Variants in ENPEP observed in about 807,000 individuals in gnomAD.
ENPEP encodes AP-A.
ENPEP carries 103 observed loss-of-function variants against 114.5 expected under a neutral mutation model. The observed-to-expected ratio is 0.90, with a 90% CI of 0.77 to 1.06. The LOEUF is 1.06. ENPEP is among the 50% of genes least tolerant of loss of function. ENPEP has a pLI of 0.00. For missense variants in ENPEP, 1,196 were observed against 1,161.3 expected, an observed-to-expected ratio of 1.03 and a Z score of -0.43; for synonymous variants, 420 against 422.0, an observed-to-expected ratio of 1.00 and a Z score of 0.06.
chr4:110,507,506 C>T (rs560668349), intron 4 of ENPEP, among the ~76,000 whole-genome samples: 1 of 152,340 alleles, frequency 6.6e-6, no homozygotes, highest in South Asian at 2.1e-4. Context: ...TCTGCCTTTA[C>T]TTTAATAACT....
At chr4:110,492,295 A>G (rs1042671437) in intron 3 of ENPEP, among the ~76,000 whole-genome samples, 1 of 152,266 alleles carries the variant, frequency 6.6e-6, no homozygotes, top group Admixed American at 6.5e-5. Context: ...GGCAAGTGGT[A>G]GAAACTTAAA....
At chr4:110,501,755 C>G (rs1172173108) in intron 3 of ENPEP, among the ~76,000 whole-genome samples, 1 of 152,128 alleles carries the variant, frequency 6.6e-6, no homozygotes, top group Non-Finnish European at 1.5e-5. Context: ...GTATGGAGGC[C>G]TGTGTCTTTA....
intron 3 of ENPEP, among the ~76,000 whole-genome samples, chr4:110,503,042 T>C (rs6821205): frequency 0.29 from 44,556 of 151,972 alleles, 6,850 homozygotes; most frequent in Non-Finnish European, 0.33. Flanking sequence ...CTCCTAATGC[T>C]ATCCCTCCCC....
chr4:110,538,127 C>T (rs1157017315), intron 11 of ENPEP, among the ~76,000 whole-genome samples: 2 of 152,158 alleles, frequency 1.3e-5, no homozygotes, highest in Non-Finnish European at 2.9e-5. Flanking sequence ...GCTGCATCCA[C>T]CCCTAATGAG....
intron 3 of ENPEP, 53 bp downstream of exon 3, chr4:110,491,217 A>G (rs1187354756): frequency 2.0e-6 from 3 of 1,463,754 alleles, no homozygotes; most frequent in South Asian, 1.3e-5. Flanking sequence ...GTAATTAATT[A>G]TCTACCTTTT....
At chr4:110,483,718 C>T (rs980830536) in intron 1 of ENPEP, among the ~76,000 whole-genome samples, 2 of 152,106 alleles carry the variant, frequency 1.3e-5, no homozygotes, top group Non-Finnish European at 2.9e-5. Flanking sequence ...TTGCCTGGCG[C>T]GATAATTATT....
intron 11 of ENPEP, among the ~76,000 whole-genome samples, chr4:110,542,391 A>T (rs1167950140): frequency 6.6e-6 from 1 of 152,084 alleles, no homozygotes; most frequent in Non-Finnish European, 1.5e-5. Flanking sequence ...GGATCTATGG[A>T]CTACCCCTGA....
chr4:110,481,291 G>A (rs1471665052), intron 1 of ENPEP, among the ~76,000 whole-genome samples: 1 of 151,746 alleles, frequency 6.6e-6, no homozygotes, highest in African/African-American at 2.4e-5. Flanking sequence ...ATCCAGGCTG[G>A]GGTAGAACTC....
At chr4:110,502,600 T>C (rs1725204483) in intron 3 of ENPEP, among the ~76,000 whole-genome samples, 1 of 152,206 alleles carries the variant, frequency 6.6e-6, no homozygotes, top group South Asian at 2.1e-4. Context: ...TGGCATTATT[T>C]CTGGGCTCTC....
intron 18 of ENPEP, among the ~76,000 whole-genome samples, chr4:110,555,858 A>G (rs911558972): frequency 6.6e-6 from 1 of 151,992 alleles, no homozygotes; most frequent in Non-Finnish European, 1.5e-5. Context: ...ATATAATTAA[A>G]TCCTTATTTT....
chr4:110,547,009 A>G (rs1035208927), intron 13 of ENPEP, among the ~76,000 whole-genome samples: 3 of 152,042 alleles, frequency 2.0e-5, no homozygotes, highest in Non-Finnish European at 4.4e-5. Context: ...CATGTTTGAC[A>G]AGACACTATA....
intron 13 of ENPEP, among the ~76,000 whole-genome samples, chr4:110,547,550 G>T (rs1727113973): frequency 6.6e-6 from 1 of 152,002 alleles, no homozygotes; most frequent in South Asian, 2.1e-4. Context: ...ATTTCAAAAG[G>T]TTCTAAAATT....
intron 8 of ENPEP, among the ~76,000 whole-genome samples, chr4:110,518,093 A>G (rs897383950): frequency 6.6e-6 from 1 of 152,172 alleles, no homozygotes; most frequent in African/African-American, 2.4e-5. Context: ...CCATTTGTCT[A>G]TTCTCTTTCA....
intron 18 of ENPEP, among the ~76,000 whole-genome samples, chr4:110,557,133 G>C (rs1403492353): frequency 2.6e-5 from 4 of 152,184 alleles, no homozygotes; most frequent in Non-Finnish European, 1.5e-5. Context: ...TTAAGTGATA[G>C]AGGGGTGGGA....
In ENPEP at chr4:110,513,128, C is replaced by T. The variant is rs112815794; in HGVS notation, c.1309-287C>T. 3.9e-3 allele frequency: 877 copies of T among 224,342 alleles called. 6 individuals carry two copies. The highest frequency in any genetic ancestry group is 0.019 in the African/African-American group (813 of 43,750). 13.9% of individuals were successfully genotyped at this position (224,342 alleles called of 1,614,324 possible). On this transcript the variant is annotated intron_variant, in intron 6 of 19. Coordinates refer to ENST00000265162, the MANE Select transcript of ENPEP (RefSeq NM_001977.4). ...TAGAAATAGGGCTTGAAAAGTTTGG[C>T]ACATATCCAAAAGTCACACAGAAGT...
intron 2 of ENPEP, among the ~76,000 whole-genome samples, chr4:110,490,439 T>C (rs1009604402): frequency 6.6e-6 from 1 of 152,118 alleles, no homozygotes; most frequent in Non-Finnish European, 1.5e-5. Flanking sequence ...GTGGTTGAAG[T>C]GTTAGGATTG....
Position 110,548,164 on chromosome 4 carries a change from T to TATTTATAATA in ENPEP, c.2001-12_2001-11insATTTATAATA. On this transcript the variant is annotated splice_polypyrimidine_tract_variant and intron_variant, in intron 13 of 19. Transcript: ENST00000265162. ...GTTTTTTTTTTTTTTTTTTTTTTTT[T>TATTTATAATA]GTCTTTCTCAGAGCTCAACTTCTAG... 1 of 941,932 alleles carries TATTTATAATA rather than the reference T, an allele frequency of 1.1e-6. No homozygotes were observed. The highest frequency in any genetic ancestry group is 1.3e-6 in the Non-Finnish European group (1 of 744,028). 58.3% of individuals were successfully genotyped at this position (941,932 alleles called of 1,614,324 possible).
chr4:110,548,247 C>T lies in ENPEP; in HGVS notation c.2072C>T (p.Pro691Leu). The T allele has an allele frequency of 6.3e-7, 1 of 1,579,198 alleles. No individual in the cohort carries two copies. Among genetic ancestry groups the T allele is most frequent in the Non-Finnish European group, 8.6e-7 (1 of 1,162,420 alleles). ...CTCAAAAGGGAAGAGAATTTTTTAC[C>T]ATGGCAGAGAGTAATTTCAGCTGTA... is the stretch of plus-strand genomic sequence containing the variant. The part of the protein sequence containing the change: ...KYLKREENFL[P>L]WQRVISAVTY... Residue 691 changes from proline to leucine, a missense_variant, in exon 14 of 20, where the codon CCA becomes CTA. Physicochemically the swap from Pro to Leu is moderately conservative, Grantham distance 98. Coordinates refer to ENST00000265162, the MANE Select transcript of ENPEP (RefSeq NM_001977.4).
chr4:110,510,482 T>A, intron 6 of ENPEP, 124 bp downstream of exon 6: 1 of 796,496 alleles, frequency 1.3e-6, no homozygotes, highest in Non-Finnish European at 2.1e-6. Flanking sequence ...GGAATTCCAC[T>A]GTGAGGATAG....
Sources: allele counts gnomAD v4.1 joint callset (sites outside exome capture counted in the v4.1 genomes callset), GRCh38; gene constraint gnomAD v4.1.1; transcripts MANE v1.5; gene names NCBI Gene and HGNC (gene_info 2026-07-23, HGNC 2026-07-21).